The following SLC25A21 variants were observed in gnomAD, a reference collection of about 807,000 sequenced individuals.
The protein encoded by SLC25A21 is mitochondrial 2-oxodicarboxylate carrier.
A neutral mutation model predicts 43.8 loss-of-function variants in SLC25A21; 47 were observed. The observed-to-expected ratio is 1.07, with a 90% CI of 0.85 to 1.37. The LOEUF (loss-of-function observed/expected upper bound fraction) is 1.37. SLC25A21 is among the 40% of genes most tolerant of loss of function. The probability of loss-of-function intolerance (pLI) is 0.00; values close to 1 mark genes in which losing one functional copy is unlikely to be tolerated. For synonymous variants in SLC25A21, 131 were observed against 121.3 expected, an observed-to-expected ratio of 1.08 and a Z score of -0.52; for missense variants, 352 against 350.2, an observed-to-expected ratio of 1.00 and a Z score of -0.04.
At chr14:36,751,395 A>G (rs1885703281) in intron 3 of SLC25A21, among the ~76,000 whole-genome samples, 1 of 152,214 alleles carries the variant, frequency 6.6e-6, no homozygotes, top group Admixed American at 6.5e-5. Context: ...ATGAACCAAC[A>G]AAGAAGTCAG....
chr14:37,152,202 A>G (rs552688477), intron 1 of SLC25A21, among the ~76,000 whole-genome samples: 1 of 152,282 alleles, frequency 6.6e-6, no homozygotes, highest in East Asian at 1.9e-4. Flanking sequence ...ACCCAAACAA[A>G]TATCCCAGGA....
chr14:36,878,581 A>C (rs892549821), intron 1 of SLC25A21, among the ~76,000 whole-genome samples: 1 of 152,200 alleles, frequency 6.6e-6, no homozygotes, highest in Non-Finnish European at 1.5e-5. Flanking sequence ...ATAGGCCTAG[A>C]AGTGACCTCA....
At chr14:36,849,569 C>T (rs1005168018) in intron 2 of SLC25A21, among the ~76,000 whole-genome samples, 2 of 152,088 alleles carry the variant, frequency 1.3e-5, no homozygotes, top group Non-Finnish European at 2.9e-5. Context: ...TTTCATAGTT[C>T]GATTCAATGA....
intron 1 of SLC25A21, among the ~76,000 whole-genome samples, chr14:36,887,655 T>A (rs1226881968): frequency 1.3e-5 from 2 of 152,042 alleles, no homozygotes; most frequent in Non-Finnish European, 2.9e-5. Flanking sequence ...AAGGAGGGGT[T>A]TAAGCTCTAT....
chr14:37,025,265 T>C (rs967771995), intron 1 of SLC25A21, among the ~76,000 whole-genome samples: 2 of 152,172 alleles, frequency 1.3e-5, no homozygotes, highest in Admixed American at 1.3e-4. Context: ...TGCTCATTTC[T>C]AAAATAGAAA....
chr14:36,755,246 T>C (rs530500284), intron 3 of SLC25A21, among the ~76,000 whole-genome samples: 2 of 152,004 alleles, frequency 1.3e-5, no homozygotes, highest in Non-Finnish European at 2.9e-5. Context: ...GGGATGGAGG[T>C]TCCCTATTCA....
At chr14:36,697,050 G>A (rs973852534) in intron 7 of SLC25A21, among the ~76,000 whole-genome samples, 1 of 152,154 alleles carries the variant, frequency 6.6e-6, no homozygotes, top group Non-Finnish European at 1.5e-5. Flanking sequence ...GGCATTTAGT[G>A]CTATAAATTT....
chr14:37,106,149 T>C (rs989449024), intron 1 of SLC25A21, among the ~76,000 whole-genome samples: 3 of 152,048 alleles, frequency 2.0e-5, no homozygotes, highest in Admixed American at 6.6e-5. Flanking sequence ...TTGAACAATA[T>C]GAAATCAGTG....
intron 1 of SLC25A21, among the ~76,000 whole-genome samples, chr14:36,893,452 C>G (rs558972219): frequency 6.6e-6 from 1 of 152,312 alleles, no homozygotes; most frequent in South Asian, 2.1e-4. Flanking sequence ...AGCCCTTTGA[C>G]AGATGAGTAG....
intron 1 of SLC25A21, among the ~76,000 whole-genome samples, chr14:37,001,412 C>T (rs1960486574): frequency 6.6e-6 from 1 of 152,136 alleles, no homozygotes; most frequent in South Asian, 2.1e-4. Flanking sequence ...CAAGGGCACA[C>T]ACTGAGCAAG....
chr14:36,724,136 C>T (rs371289587), intron 6 of SLC25A21, among the ~76,000 whole-genome samples: 10 of 152,208 alleles, frequency 6.6e-5, no homozygotes, highest in Admixed American at 2.0e-4. Flanking sequence ...TAAAGAGAAA[C>T]GAAAACTAGA....
intron 1 of SLC25A21, among the ~76,000 whole-genome samples, chr14:37,054,200 T>C (rs912585484): frequency 2.6e-5 from 4 of 152,138 alleles, no homozygotes; most frequent in African/African-American, 2.4e-5. Context: ...TTCTAGTTGA[T>C]AGTCTCAGCT....
chr14:36,969,039 G>C (rs1959685967), intron 1 of SLC25A21, among the ~76,000 whole-genome samples: 1 of 152,118 alleles, frequency 6.6e-6, no homozygotes, highest in African/African-American at 2.4e-5. Context: ...AAGTTGCGGA[G>C]ACATAAAAAT....
chr14:36,789,677 T>G (rs1450789846), intron 3 of SLC25A21, among the ~76,000 whole-genome samples: 1 of 135,566 alleles, frequency 7.4e-6, no homozygotes, highest in Non-Finnish European at 1.5e-5. Context: ...CTCATCTTGT[T>G]ACTGTAATCA....
chr14:37,002,295 A>G (rs551725433), intron 1 of SLC25A21, among the ~76,000 whole-genome samples: 7 of 152,286 alleles, frequency 4.6e-5, no homozygotes, highest in Non-Finnish European at 1.0e-4. Flanking sequence ...TCTCTCTACT[A>G]TGTTCACAGA....
intron 2 of SLC25A21, among the ~76,000 whole-genome samples, chr14:36,872,062 CT>C (rs1169512451): frequency 6.6e-6 from 1 of 152,090 alleles, no homozygotes; most frequent in Non-Finnish European, 1.5e-5. Context: ...TTTAAATTAA[CT>C]GGATCAAAAA....
chr14:37,006,829 A>G (rs1960615251), intron 1 of SLC25A21, among the ~76,000 whole-genome samples: 1 of 152,196 alleles, frequency 6.6e-6, no homozygotes, highest in Non-Finnish European at 1.5e-5. Context: ...TATTAAATAT[A>G]GTATTATTCA....
At chr14:36,722,156 A>G (rs1210306317) in intron 6 of SLC25A21, among the ~76,000 whole-genome samples, 1 of 152,208 alleles carries the variant, frequency 6.6e-6, no homozygotes. Flanking sequence ...TATACACCAG[A>G]TTTTTAAATT....
At chr14:37,067,285 A>C (rs1175507146) in intron 1 of SLC25A21, among the ~76,000 whole-genome samples, 2 of 152,198 alleles carry the variant, frequency 1.3e-5, no homozygotes, top group African/African-American at 4.8e-5. Flanking sequence ...ACTCCAAAAA[A>C]TGAAGTAAAA....
Sources: gnomAD v4.1 joint callset for allele counts (sites outside exome capture counted in the v4.1 genomes callset) on GRCh38, gnomAD v4.1.1 for gene constraint, MANE v1.5 for transcripts, NCBI Gene and HGNC (gene_info 2026-07-23, HGNC 2026-07-21) for gene names.